COL24A1: variants seen among roughly 807,000 people sequenced by gnomAD.
The protein encoded by COL24A1 is collagen alpha-1(XXIV) chain.
A neutral mutation model predicts 253.9 loss-of-function variants in COL24A1; 224 were observed. The observed-to-expected ratio is 0.88, with a 90% CI of 0.79 to 0.99. The LOEUF (loss-of-function observed/expected upper bound fraction) is 0.99. COL24A1 is among the 50% of genes least tolerant of loss of function. The pLI, the probability that COL24A1 is intolerant of heterozygous loss-of-function variation, is 0.00. For synonymous variants in COL24A1, 685 were observed against 673.7 expected, an observed-to-expected ratio of 1.02 and a Z score of -0.26; for missense variants, 2,131 against 2,068.5, an observed-to-expected ratio of 1.03 and a Z score of -0.59.
chr1:86,055,189 G>A (rs1700580416), intron 10 of COL24A1, among the ~76,000 whole-genome samples: 1 of 152,132 alleles, frequency 6.6e-6, no homozygotes, highest in South Asian at 2.1e-4. Flanking sequence ...TACCTATTGG[G>A]TACTATGTTC....
At chr1:85,980,831 C>T (rs148869140) in intron 20 of COL24A1, among the ~76,000 whole-genome samples, 2,398 of 152,176 alleles carry the variant, frequency 0.016, 54 homozygotes, top group African/African-American at 0.055. Flanking sequence ...ATGGCATGAA[C>T]CCAGAAGGCG....
intron 59 of COL24A1, 23 bp downstream of exon 59, chr1:85,734,726 T>C: frequency 6.3e-7 from 1 of 1,591,530 alleles, no homozygotes; most frequent in Non-Finnish European, 8.6e-7. Context: ...TATTGAACAA[T>C]TCTAAAAGTG....
chr1:85,783,645 T>TATATTTAATTC (rs1169180516), intron 50 of COL24A1, 87 bp from the exon 51 acceptor site: 1 of 1,250,828 alleles, frequency 8.0e-7, no homozygotes, highest in Non-Finnish European at 1.2e-6. Context: ...CAAGAATTGC[T>TATATTTAATTC]CTTTTAAAAA....
intron 32 of COL24A1, chr1:85,883,890 T>TTA (rs1423033211): frequency 3.9e-5 from 6 of 152,200 alleles, no homozygotes; most frequent in African/African-American, 1.4e-4. Context: ...AACATTTGAC[T>TTA]TATCCATGAG....
intron 20 of COL24A1, among the ~76,000 whole-genome samples, chr1:85,977,115 A>C (rs1342812127): frequency 6.6e-6 from 1 of 152,164 alleles, no homozygotes; most frequent in Non-Finnish European, 1.5e-5. Context: ...GACCCAGAAG[A>C]GCAATAACAA....
chr1:85,777,604 A>G (rs186003034), intron 52 of COL24A1, among the ~76,000 whole-genome samples: 1 of 152,280 alleles, frequency 6.6e-6, no homozygotes, highest in East Asian at 1.9e-4. Context: ...TTTTTCCAAT[A>G]AAAGTAGTAT....
At chr1:85,964,946 A>C (rs529013887) in intron 23 of COL24A1, 63 bp downstream of exon 23, 2 of 1,407,426 alleles carry the variant, frequency 1.4e-6, no homozygotes, top group South Asian at 2.5e-5. Context: ...TTTGTATGAA[A>C]GTCATAATTT....
At chr1:85,831,722 G>A (rs897323526) in intron 43 of COL24A1, among the ~76,000 whole-genome samples, 17 of 152,064 alleles carry the variant, frequency 1.1e-4, no homozygotes, top group Admixed American at 2.6e-4. Flanking sequence ...TGAGTGTTCC[G>A]GGCAGTAAAG....
chr1:85,995,389 TCA>T (rs1016556833), intron 19 of COL24A1, among the ~76,000 whole-genome samples: 2 of 152,326 alleles, frequency 1.3e-5, no homozygotes, highest in African/African-American at 2.4e-5. Flanking sequence ...GCCCAGATAT[TCA>T]CAGTGTTTTT....
intron 5 of COL24A1, among the ~76,000 whole-genome samples, chr1:86,111,887 C>G (rs1166844754): frequency 6.6e-6 from 1 of 152,092 alleles, no homozygotes; most frequent in African/African-American, 2.4e-5. Flanking sequence ...ACTCCTTAAG[C>G]CAGCAAGATC....
intron 59 of COL24A1, among the ~76,000 whole-genome samples, chr1:85,731,194 C>T (rs974420019): frequency 6.6e-6 from 1 of 152,122 alleles, no homozygotes; most frequent in Non-Finnish European, 1.5e-5. Flanking sequence ...CCCCCCGCCC[C>T]ATTCTGTAGC....
chr1:85,961,093 T>C (rs1014469036), intron 24 of COL24A1, among the ~76,000 whole-genome samples, 156 bp downstream of exon 24: 8 of 152,098 alleles, frequency 5.3e-5, no homozygotes, highest in Non-Finnish European at 1.5e-5. Context: ...TAGGTTTTAT[T>C]TGCCAGCAGA....
chr1:86,139,237 G>A (rs1453260038), intron 2 of COL24A1, among the ~76,000 whole-genome samples: 2 of 151,960 alleles, frequency 1.3e-5, no homozygotes, highest in African/African-American at 4.8e-5. Context: ...TGGAGAAAGA[G>A]TGAGGGAGAA....
At chr1:86,117,046 G>A (rs1706216335) in intron 3 of COL24A1, among the ~76,000 whole-genome samples, 1 of 152,142 alleles carries the variant, frequency 6.6e-6, no homozygotes, top group Admixed American at 6.6e-5. Context: ...CCAAAAATAA[G>A]AGCCAGTAGG....
At chr1:85,981,003 A>T (rs1310328278) in intron 20 of COL24A1, among the ~76,000 whole-genome samples, 1 of 152,232 alleles carries the variant, frequency 6.6e-6, no homozygotes, top group East Asian at 1.9e-4. Context: ...ATCATAGATG[A>T]CATAAGCAAA....
At chr1:85,853,915 G>T (rs1332657628) in intron 37 of COL24A1, among the ~76,000 whole-genome samples, 1 of 152,056 alleles carries the variant, frequency 6.6e-6, no homozygotes, top group Non-Finnish European at 1.5e-5. Context: ...TTCTTAGGTT[G>T]TCTGTTTACT....
Position 85,784,905 on chromosome 1 carries a change from T to C in COL24A1, c.4060-539A>G, listed in dbSNP as rs193045443. Among the ~76,000 whole-genome samples the C allele has an allele frequency of 3.9e-4, 59 of 152,046 alleles. No homozygotes were observed. The East Asian group carries it at 0.011, about 27-fold the overall frequency. On this transcript the variant is annotated intron_variant, in intron 48 of 59. Coordinates refer to ENST00000370571, the MANE Select transcript of COL24A1 (RefSeq NM_152890.7). Reference sequence around the variant, plus strand: ...ATCATTGCACCTAGCTAATTCTCTATTTTTTTGTAGAGACAGGATCTCACT... The same window carrying C: ...ATCATTGCACCTAGCTAATTCTCTACTTTTTTGTAGAGACAGGATCTCACT...
intron 58 of COL24A1, among the ~76,000 whole-genome samples, chr1:85,736,977 A>G (rs902095599): frequency 6.6e-6 from 1 of 152,186 alleles, no homozygotes; most frequent in African/African-American, 2.4e-5. Flanking sequence ...TGTGCCCAAT[A>G]ACCATAAATA....
chr1:85,791,480 A>G lies in COL24A1; in HGVS notation c.3952-5019T>C, dbSNP rs142993854. 1.6e-4 allele frequency among the ~76,000 whole-genome samples: 24 copies of G among 152,290 alleles called. No individual in the cohort carries two copies. The East Asian group carries it at 4.6e-3, about 29-fold the overall frequency. ...TGGTGGGTAGATTTTCTGAACTCAA[A>G]CAGTTTCAGTAGCATATCTTAGACC... On this transcript the variant is annotated intron_variant, in intron 47 of 59. Transcript: ENST00000370571.
Sources: allele counts gnomAD v4.1 joint callset (sites outside exome capture counted in the v4.1 genomes callset), GRCh38; gene constraint gnomAD v4.1.1; transcripts MANE v1.5; gene names NCBI Gene and HGNC (gene_info 2026-07-23, HGNC 2026-07-21).